The following VDAC2 variants were observed in gnomAD, a reference collection of about 807,000 sequenced individuals.
VDAC2 encodes voltage dependent anion channel 2, also known as non-selective voltage-gated ion channel VDAC2.
In VDAC2, 6 loss-of-function variants were observed where a neutral mutation model predicts 36.6. The observed-to-expected ratio is 0.16, with a 90% CI of 0.09 to 0.32. VDAC2 has a LOEUF of 0.32. Among genes scored for constraint, VDAC2 ranks in the 10% least tolerant of loss-of-function variants. VDAC2 has a pLI of 1.00. For missense variants in VDAC2, 247 were observed against 346.0 expected (o/e 0.71, Z 2.27); for synonymous variants, 109 against 123.8 (o/e 0.88, Z 0.79).
In VDAC2 at chr10:75,227,576, A is replaced by AGTTTTTTTTTTTTTTTTTTTTT. The variant is rs1841989654; in HGVS notation, c.736-2068_736-2067insGTTTTTTTTTTTTTTTTTTTTT. Among the ~76,000 whole-genome samples, 4 of 90,776 alleles carry AGTTTTTTTTTTTTTTTTTTTTT rather than the reference A, an allele frequency of 4.4e-5. 1 individual carries two copies. Among genetic ancestry groups the AGTTTTTTTTTTTTTTTTTTTTT allele is most frequent in the African/African-American group, 2.1e-4 (4 of 18,648 alleles). 59.6% of individuals were successfully genotyped at this position (90,776 alleles called of 152,430 possible). A position where few individuals can be genotyped will look rare whatever the true frequency, so the allele number is the denominator to read the frequency against. On this transcript the variant is annotated intron_variant, in intron 8 of 9. Coordinates refer to ENST00000332211, the MANE Select transcript of VDAC2 (RefSeq NM_001391963.1). ...TTAACTCTTACTGTTAAATAATAGG[A>AGTTTTTTTTTTTTTTTTTTTTT]ATTTTTTTTTTTTTTTTTTTTTGGA...
intron 4 of VDAC2, chr10:75,217,917 A>G: frequency 7.8e-7 from 1 of 1,288,382 alleles, no homozygotes; most frequent in Non-Finnish European, 1.0e-6. Flanking sequence ...TAGTCTCTTT[A>G]TTATTTTCAC....
chr10:75,227,267 C>T (rs1450918616), intron 8 of VDAC2, among the ~76,000 whole-genome samples: 3 of 152,166 alleles, frequency 2.0e-5, no homozygotes, highest in Non-Finnish European at 4.4e-5. Context: ...TGTGGGAACC[C>T]CAGTTTATAA....
At chr10:75,221,426 G>A (rs867928288) in intron 7 of VDAC2, among the ~76,000 whole-genome samples, 22 of 151,800 alleles carry the variant, frequency 1.4e-4, no homozygotes, top group Middle Eastern at 3.4e-3. Context: ...TCCGCCTCCC[G>A]GGTTCAAACA....
At chr10:75,220,706 A>G in intron 6 of VDAC2, 37 bp from the exon 7 acceptor site, 1 of 1,572,494 alleles carries the variant, frequency 6.4e-7, no homozygotes, top group Non-Finnish European at 8.7e-7. Context: ...AGTGTGTGTA[A>G]ATTTTTCCCA....
chr10:75,228,233 T>C (rs1842014710), intron 8 of VDAC2, among the ~76,000 whole-genome samples: 1 of 151,872 alleles, frequency 6.6e-6, no homozygotes, highest in African/African-American at 2.4e-5. Context: ...AGGCTCTTAT[T>C]TGTAGGGTAC....
rs979240465 is a variant in VDAC2, at chr10:75,229,511, A to G, written c.736-133A>G. On this transcript the variant is annotated intron_variant, in intron 8 of 9. Coordinates refer to ENST00000332211, the MANE Select transcript of VDAC2 (RefSeq NM_001391963.1). Reference sequence around the variant, plus strand: ...AATAGTACCTGGTTTGTTTGGCTTAATACATAATATTGAATTTTATTGTCT... The same window carrying G: ...AATAGTACCTGGTTTGTTTGGCTTAGTACATAATATTGAATTTTATTGTCT... The G allele has an allele frequency of 2.3e-5, 15 of 660,050 alleles. No homozygotes were observed. In the Middle Eastern group the frequency reaches 2.3e-3, roughly 100 times the overall value. 40.9% of individuals were successfully genotyped at this position (660,050 alleles called of 1,614,324 possible).
chr10:75,228,859 T>C (rs1031855418), intron 8 of VDAC2, among the ~76,000 whole-genome samples: 2 of 152,200 alleles, frequency 1.3e-5, no homozygotes, highest in Non-Finnish European at 2.9e-5. Flanking sequence ...GCCTCTGGTG[T>C]GTCTTCATAA....
At chr10:75,212,712 A>G (rs1263335766) in intron 3 of VDAC2, among the ~76,000 whole-genome samples, 1 of 152,326 alleles carries the variant, frequency 6.6e-6, no homozygotes, top group East Asian at 1.9e-4. Flanking sequence ...TAATTCTTCT[A>G]TTAGAAACTT....
intron 7 of VDAC2, 83 bp downstream of exon 7, chr10:75,221,053 A>G (rs1397184735): frequency 6.7e-6 from 9 of 1,351,918 alleles, no homozygotes; most frequent in Non-Finnish European, 9.1e-6. Flanking sequence ...ATCTGGGTGC[A>G]CCCTAAAGGA....
rs534730181 is a variant in VDAC2 at position 75,213,275 on chromosome 10, T to G, written c.101-746T>G. Among the ~76,000 whole-genome samples the G allele has an allele frequency of 2.2e-4, 33 of 151,128 alleles. No homozygotes were observed. In the Middle Eastern group the frequency reaches 0.01, roughly 47 times the overall value. ...TTGTATTTTTAGTAGAGACGAGGTT[T>G]CACCATGTTGGCCAGGCTGGTTTTG... is the stretch of plus-strand genomic sequence containing the variant. On this transcript the variant is annotated intron_variant, in intron 3 of 9. Coordinates refer to ENST00000332211, the MANE Select transcript of VDAC2 (RefSeq NM_001391963.1).
At chr10:75,228,956 G>A (rs1362352511) in intron 8 of VDAC2, among the ~76,000 whole-genome samples, 3 of 151,970 alleles carry the variant, frequency 2.0e-5, no homozygotes, top group Non-Finnish European at 4.4e-5. Context: ...CCTTGAAGTC[G>A]GTAACTAAGT....
At chr10:75,226,203 A>G (rs555847905) in intron 8 of VDAC2, among the ~76,000 whole-genome samples, 2 of 152,266 alleles carry the variant, frequency 1.3e-5, no homozygotes, top group East Asian at 3.9e-4. Context: ...AACAAGTGTA[A>G]ACATCCTTGA....
At chr10:75,229,419 C>G (rs997357550) in intron 8 of VDAC2, 1 of 390,336 alleles carries the variant, frequency 2.6e-6, no homozygotes, top group African/African-American at 2.1e-5. Flanking sequence ...TGGATACATT[C>G]CAGTGGCTAT....
chr10:75,225,589 CTT>C (rs1465050820), intron 8 of VDAC2, among the ~76,000 whole-genome samples: 1 of 152,062 alleles, frequency 6.6e-6, no homozygotes, highest in Non-Finnish European at 1.5e-5. Flanking sequence ...TGCAGTAACA[CTT>C]TAGATATTTG....
At chr10:75,221,543 G>A (rs185805885) in intron 7 of VDAC2, among the ~76,000 whole-genome samples, 25 of 152,278 alleles carry the variant, frequency 1.6e-4, no homozygotes, top group African/African-American at 6.0e-4. Flanking sequence ...ATGCTGGCAA[G>A]GCTGGTCTGG....
At position 75,230,911 on chromosome 10, in the gene VDAC2, A is replaced by G. The variant is rs755007665; in HGVS notation, c.807A>G (p.Thr269=). Residue 269 remains threonine (T), a synonymous_variant, in exon 10 of 10, where the codon ACA becomes ACG. Coordinates refer to ENST00000332211, the MANE Select transcript of VDAC2 (RefSeq NM_001391963.1). ...TTGTCTTAATAGGTGTGAAGCTTAC[A>G]CTCTCTGCTCTGGTAGATGGGAAGA... ...TQTLRPGVKL[T]LSALVDGKSI... The G allele has an allele frequency of 4.3e-6, 7 of 1,613,184 alleles. No homozygotes were observed. Among genetic ancestry groups the G allele is most frequent in the Admixed American group, 3.3e-5 (2 of 59,902 alleles).
intron 5 of VDAC2, 34 bp from the exon 6 acceptor site, chr10:75,219,267 CAAA>C: frequency 6.4e-7 from 1 of 1,559,606 alleles, no homozygotes; most frequent in Non-Finnish European, 8.6e-7. Context: ...TTTTGTATTT[CAAA>C]AAAAGAAAAC....
intron 6 of VDAC2, 50 bp from the exon 7 acceptor site, chr10:75,220,693 A>C: frequency 6.6e-7 from 1 of 1,508,842 alleles, no homozygotes; most frequent in Non-Finnish European, 9.1e-7. Flanking sequence ...TCTCTTGTGC[A>C]GAAGTGTGTG....
In VDAC2 at chr10:75,210,825, T is replaced by G; in HGVS notation, c.-139T>G. The G allele has an allele frequency of 3.8e-6, 1 of 265,586 alleles. No homozygotes were observed. The highest frequency in any genetic ancestry group is 6.9e-5 in the East Asian group (1 of 14,482). 16.5% of individuals were successfully genotyped at this position (265,586 alleles called of 1,614,324 possible). ...GACAGGGTTGCGGCGGGCGGAACGG[T>G]GTCTCCTTCACTTCGCCCTCCAGCT... On this transcript the variant is annotated 5_prime_UTR_variant, in exon 1 of 10. Transcript: ENST00000332211.
Sources: gnomAD v4.1 joint callset for allele counts (sites outside exome capture counted in the v4.1 genomes callset) on GRCh38, gnomAD v4.1.1 for gene constraint, MANE v1.5 for transcripts, NCBI Gene and HGNC (gene_info 2026-07-23, HGNC 2026-07-21) for gene names.